The following MBP variants were observed in gnomAD, a reference collection of about 807,000 sequenced individuals.
MBP encodes the protein Golli-MBP.
In MBP, 16 loss-of-function variants were observed where a neutral mutation model predicts 35.8. The observed-to-expected ratio is 0.45, with a 90% CI of 0.30 to 0.68. The LOEUF is 0.68. MBP is among the 30% of genes least tolerant of loss of function. MBP has a pLI of 0.08. For missense variants in MBP, 380 were observed against 404.7 expected, an observed-to-expected ratio of 0.94 and a Z score of 0.52; for synonymous variants, 143 against 159.6, an observed-to-expected ratio of 0.90 and a Z score of 0.78.
intron 1 of MBP, among the ~76,000 whole-genome samples, chr18:77,129,448 G>C (rs1003656342): frequency 3.3e-5 from 5 of 152,196 alleles, no homozygotes; most frequent in Non-Finnish European, 7.3e-5. Flanking sequence ...CCACAAACCT[G>C]GCCAGCCCAC....
At chr18:77,004,944 G>C (rs892978277) in intron 4 of MBP, 2 of 152,174 alleles carry the variant, frequency 1.3e-5, no homozygotes, top group East Asian at 3.9e-4. Context: ...GCCTCCTTTG[G>C]GGGCCTTTGC....
At chr18:77,077,172 C>A (rs1974689115) in intron 2 of MBP, among the ~76,000 whole-genome samples, 1 of 151,774 alleles carries the variant, frequency 6.6e-6, no homozygotes, top group African/African-American at 2.4e-5. Flanking sequence ...ACCAGCCTGG[C>A]CAACATGGTG....
intron 1 of MBP, among the ~76,000 whole-genome samples, chr18:77,118,201 G>C (rs1408436048): frequency 7.1e-6 from 1 of 141,034 alleles, no homozygotes; most frequent in East Asian, 2.1e-4. Context: ...CAGTGGGTTG[G>C]GGTGGGATGG....
intron 2 of MBP, among the ~76,000 whole-genome samples, chr18:77,084,151 T>A (rs1667910): frequency 0.76 from 116,010 of 151,970 alleles, 44,720 homozygotes; most frequent in East Asian, 0.83. Flanking sequence ...ATTACTTAGA[T>A]TAGTAAATGG....
intron 7 of MBP, chr18:76,986,862 T>C (rs970892442): frequency 1.0e-6 from 1 of 985,352 alleles, no homozygotes; most frequent in Non-Finnish European, 1.2e-6. Context: ...TTTCCTCCTT[T>C]CCAATCCTTA....
intron 3 of MBP, among the ~76,000 whole-genome samples, chr18:77,050,239 CAT>C (rs1453502587): frequency 6.6e-6 from 1 of 152,158 alleles, no homozygotes; most frequent in Non-Finnish European, 1.5e-5. Flanking sequence ...AGTTTTGACT[CAT>C]AGAGACACAT....
In MBP at chr18:77,131,843, GGCGGGCGGCT is replaced by G. The variant is rs966905959; in HGVS notation, c.-26+727_-26+736del. ...ACTGCCGGGAAGACCCGGGCGGGCC[GGCGGGCGGCT>G]GCGGGCGGCGCACGTGGGCCCAGGT... On this transcript the variant is annotated intron_variant, in intron 1 of 8. Transcript: ENST00000355994. The surrounding 1 kb of genome is among the most constrained non-coding windows in gnomAD (Gnocchi z 5.5). 2.0e-5 allele frequency among the ~76,000 whole-genome samples: 3 copies of G among 152,082 alleles called. No individual in the cohort carries two copies. Among genetic ancestry groups the G allele is most frequent in the Non-Finnish European group, 2.9e-5 (2 of 67,984 alleles).
intron 3 of MBP, among the ~76,000 whole-genome samples, chr18:77,021,993 G>C (rs1393907637): frequency 3.3e-5 from 5 of 152,200 alleles, no homozygotes; most frequent in African/African-American, 1.2e-4. Context: ...GGCATGGGAG[G>C]AGTGAGGTGG....
chr18:77,045,330 G>A (rs112222881), intron 3 of MBP, among the ~76,000 whole-genome samples: 6 of 152,010 alleles, frequency 3.9e-5, no homozygotes, highest in East Asian at 1.9e-4. Context: ...TCTGGAGCCC[G>A]GCTGCCAGTA....
chr18:77,010,028 G>T, intron 4 of MBP: 3 of 821,832 alleles, frequency 3.7e-6, no homozygotes, highest in African/African-American at 1.7e-5. Context: ...CTTGGCAAGA[G>T]CCCAGAGTGA....
At chr18:76,986,629 C>T (rs866914544) in intron 7 of MBP, 10 of 985,416 alleles carry the variant, frequency 1.0e-5, no homozygotes, top group South Asian at 4.7e-5. Flanking sequence ...GCACTGCACA[C>T]GAGGGGACAG....
intron 2 of MBP, among the ~76,000 whole-genome samples, chr18:77,085,917 C>T (rs924811551): frequency 8.5e-5 from 13 of 152,076 alleles, no homozygotes; most frequent in East Asian, 5.8e-4. Flanking sequence ...CTCCTGACCT[C>T]GTGATCCACC....
chr18:77,027,580 ACT>A (rs67753710), intron 3 of MBP, among the ~76,000 whole-genome samples: 53,397 of 151,678 alleles, frequency 0.35, 11,597 homozygotes, highest in Non-Finnish European at 0.48. Flanking sequence ...AGAGCTCACA[ACT>A]CTCATTTGGC....
intron 8 of MBP, 173 bp from the exon 9 acceptor site, chr18:76,980,644 C>A: frequency 1.7e-6 from 1 of 602,012 alleles, no homozygotes; most frequent in East Asian, 2.8e-5. Context: ...CCCGACCTCC[C>A]TCAGCAAATG....
At chr18:77,110,971 G>A (rs971790441) in intron 1 of MBP, among the ~76,000 whole-genome samples, 1 of 152,048 alleles carries the variant, frequency 6.6e-6, no homozygotes, top group East Asian at 1.9e-4. Context: ...CAATGTTTTC[G>A]ACATCCCAGG....
chr18:76,981,138 G>A (rs2282569), intron 8 of MBP: 73,050 of 152,224 alleles, frequency 0.48, 17,837 homozygotes, highest in Non-Finnish European at 0.53. Context: ...TGTGGCCCAC[G>A]GTGTGGAGGT....
At chr18:77,132,106 C>A (rs7234131) in intron 1 of MBP, among the ~76,000 whole-genome samples, 8,872 of 152,182 alleles carry the variant, frequency 0.058, 374 homozygotes, top group Middle Eastern at 0.11. Context: ...CCTCTCCACA[C>A]CCGCCCAGAG....
At chr18:77,056,838 T>C (rs1032175012) in intron 3 of MBP, among the ~76,000 whole-genome samples, 1 of 152,118 alleles carries the variant, frequency 6.6e-6, no homozygotes, top group Non-Finnish European at 1.5e-5. Flanking sequence ...CAGTCCTAAC[T>C]ACCAAATGAC....
At chr18:77,009,835 C>A in intron 4 of MBP, 1 of 1,567,152 alleles carries the variant, frequency 6.4e-7, no homozygotes, top group East Asian at 2.4e-5. Flanking sequence ...GGTGAGGACC[C>A]GCCGGCGTCT....
Sources: allele counts gnomAD v4.1 joint callset (sites outside exome capture counted in the v4.1 genomes callset), GRCh38; gene constraint gnomAD v4.1.1; non-coding constraint Gnocchi (gnomAD v3.1); transcripts MANE v1.5; gene names NCBI Gene and HGNC (gene_info 2026-07-23, HGNC 2026-07-21).